The following RIMKLB variants were observed in gnomAD, a reference collection of about 807,000 sequenced individuals.
RIMKLB encodes the protein beta-citrylglutamate synthase B.
RIMKLB carries 7 observed loss-of-function variants against 32.0 expected under a neutral mutation model. That is an observed-to-expected ratio of 0.22 (90% CI 0.12 to 0.41). RIMKLB has a LOEUF of 0.41. Ranked by LOEUF, RIMKLB falls within the 10% of genes least tolerant of loss-of-function variation. The pLI, the probability that RIMKLB is intolerant of heterozygous loss-of-function variation, is 1.00. For missense variants in RIMKLB, 289 were observed against 498.7 expected (o/e 0.58, Z 4.00); for synonymous variants, 172 against 185.1 (o/e 0.93, Z 0.57).
intron 1 of RIMKLB, among the ~76,000 whole-genome samples, chr12:8,712,174 T>C (rs1467922267): frequency 6.6e-6 from 1 of 152,144 alleles, no homozygotes; most frequent in Non-Finnish European, 1.5e-5. Context: ...GTCCTTATCT[T>C]CTTTTTTGTG....
chr12:8,768,110 T>C (rs1195231742), intron 5 of RIMKLB, among the ~76,000 whole-genome samples: 2 of 152,146 alleles, frequency 1.3e-5, no homozygotes, highest in African/African-American at 4.8e-5. Context: ...GTGAGTGTTA[T>C]AGCTCTATTA....
chr12:8,706,612 G>A (rs745989835), intron 1 of RIMKLB, among the ~76,000 whole-genome samples: 26 of 151,362 alleles, frequency 1.7e-4, no homozygotes, highest in African/African-American at 5.1e-4. Flanking sequence ...CCCTGCGTCC[G>A]GCTAATTTTT....
intron 1 of RIMKLB, among the ~76,000 whole-genome samples, chr12:8,691,282 C>T (rs868377526): frequency 3.3e-5 from 5 of 152,076 alleles, no homozygotes; most frequent in African/African-American, 1.2e-4. Context: ...TGTGCCACCA[C>T]ACTTGGCCAA....
In RIMKLB at chr12:8,698,288, C is replaced by G; in HGVS notation, c.-66C>G. The G allele has an allele frequency of 2.8e-6, 1 of 351,470 alleles. No homozygotes were observed. The highest frequency in any genetic ancestry group is 1.9e-5 in the South Asian group (1 of 52,632). 21.8% of individuals were successfully genotyped at this position (351,470 alleles called of 1,614,324 possible). A position where few individuals can be genotyped will look rare whatever the true frequency, so the allele number is the denominator to read the frequency against. ...TCGGCCGAGAGCGAGGGAGGAGCCCCCCGACCCAGGTGAGCGGTACGACCG... is the reference window on the plus strand; with the variant it reads ...TCGGCCGAGAGCGAGGGAGGAGCCCGCCGACCCAGGTGAGCGGTACGACCG... On this transcript the variant is annotated 5_prime_UTR_variant, in exon 1 of 6. Transcript: ENST00000535829.
the RIMKLB span, among the ~76,000 whole-genome samples, chr12:8,675,119 T>C: frequency 6.6e-6 from 1 of 152,104 alleles, no homozygotes; most frequent in Non-Finnish European, 1.5e-5. Flanking sequence ...CACTTTGGCC[T>C]CAAAATGCTG....
chr12:8,781,219 T>G (rs1420239781), downstream of RIMKLB, among the ~76,000 whole-genome samples: 2 of 152,126 alleles, frequency 1.3e-5, no homozygotes, highest in African/African-American at 4.8e-5. Context: ...CGGGCACTTG[T>G]AATCCCAGCT....
intron 3 of RIMKLB, among the ~76,000 whole-genome samples, chr12:8,750,298 T>C (rs1305775004): frequency 6.6e-6 from 1 of 152,152 alleles, no homozygotes; most frequent in East Asian, 1.9e-4. Context: ...AAGGGCAAGA[T>C]TGTAAGTATT....
intron 5 of RIMKLB, among the ~76,000 whole-genome samples, chr12:8,760,176 T>C (rs1319191081): frequency 6.6e-6 from 1 of 152,072 alleles, no homozygotes; most frequent in African/African-American, 2.4e-5. Context: ...TTCCCACCTA[T>C]GAGTAAGAAC....
chr12:8,772,404 A>G (rs2138270241), intron 5 of RIMKLB, among the ~76,000 whole-genome samples: 1 of 152,276 alleles, frequency 6.6e-6, no homozygotes, highest in East Asian at 1.9e-4. Flanking sequence ...AAAGTCATAG[A>G]TGGATTATTA....
At chr12:8,682,752 G>A (rs951242062) in intron 1 of RIMKLB, among the ~76,000 whole-genome samples, 1 of 150,360 alleles carries the variant, frequency 6.7e-6, no homozygotes, top group South Asian at 2.1e-4. Flanking sequence ...CGCCGGGGGG[G>A]AGGGAGCGAG....
At chr12:8,699,684 A>G (rs906156821) in intron 1 of RIMKLB, 1 of 151,580 alleles carries the variant, frequency 6.6e-6, no homozygotes, top group Non-Finnish European at 1.5e-5. Flanking sequence ...TCCTTCTTTC[A>G]TGTCATTGAT....
the RIMKLB span, among the ~76,000 whole-genome samples, chr12:8,674,015 G>A: frequency 1.3e-5 from 2 of 152,022 alleles, no homozygotes; most frequent in African/African-American, 2.4e-5. Context: ...ATAAGCCACA[G>A]GGTCGGTTCC....
chr12:8,726,421 C>T (rs1369892168), intron 2 of RIMKLB, among the ~76,000 whole-genome samples: 1 of 152,110 alleles, frequency 6.6e-6, no homozygotes, highest in African/African-American at 2.4e-5. Context: ...ATTCTAAGAT[C>T]CCTTTGTATA....
At chr12:8,686,358 G>T (rs1483955729) in intron 1 of RIMKLB, among the ~76,000 whole-genome samples, 2 of 151,318 alleles carry the variant, frequency 1.3e-5, no homozygotes, top group African/African-American at 4.9e-5. Flanking sequence ...GCAGTAGCCC[G>T]ATCTCTGCAA....
chr12:8,684,311 T>C (rs908558354), intron 1 of RIMKLB, among the ~76,000 whole-genome samples: 28 of 151,830 alleles, frequency 1.8e-4, no homozygotes, highest in African/African-American at 6.5e-4. Context: ...TAACTGTGAC[T>C]ACAGGCACAC....
rs770717277 is a variant in RIMKLB, at chr12:8,774,809, A to G, written c.*1025A>G. On this transcript the variant is annotated 3_prime_UTR_variant, in exon 6 of 6. Coordinates refer to ENST00000535829, the MANE Select transcript of RIMKLB (RefSeq NM_001297776.2). ...CAAGAGCCTATGAGTTCTAAGTATA[A>G]AGCTGAAGTGATTTCGAATGCCAGC... The G allele has an allele frequency of 3.1e-5, 31 of 985,528 alleles. No homozygotes were observed. Among genetic ancestry groups the G allele is most frequent in the Non-Finnish European group, 3.6e-5 (30 of 829,914 alleles). 61.0% of individuals were successfully genotyped at this position (985,528 alleles called of 1,614,324 possible). A position where few individuals can be genotyped will look rare whatever the true frequency, so the allele number is the denominator to read the frequency against.
intron 1 of RIMKLB, among the ~76,000 whole-genome samples, chr12:8,689,070 A>G (rs995231518): frequency 1.3e-5 from 2 of 152,212 alleles, no homozygotes; most frequent in Non-Finnish European, 2.9e-5. Context: ...TCCTGACCTC[A>G]GCTGATCTGC....
the RIMKLB span, chr12:8,668,804 CA>C: frequency 6.6e-6 from 1 of 152,150 alleles, no homozygotes; most frequent in African/African-American, 2.4e-5. Flanking sequence ...ACCTTGATGA[CA>C]GCCTTATGAG....
chr12:8,680,164 AT>A (rs957769559), upstream of RIMKLB, among the ~76,000 whole-genome samples: 410 of 148,376 alleles, frequency 2.8e-3, 1 homozygote, highest in Non-Finnish European at 4.2e-3. Context: ...GCCACGCCTT[AT>A]TTTTTTTTTT....
Sources: allele counts gnomAD v4.1 joint callset (sites outside exome capture counted in the v4.1 genomes callset), GRCh38; gene constraint gnomAD v4.1.1; transcripts MANE v1.5; gene names NCBI Gene and HGNC (gene_info 2026-07-23, HGNC 2026-07-21).